Variants in SLC14A2 observed in about 807,000 individuals in gnomAD.
SLC14A2 encodes urea transporter 2.
A neutral mutation model predicts 104.6 loss-of-function variants in SLC14A2; 91 were observed. That is an observed-to-expected ratio of 0.87 (90% CI 0.73 to 1.04). The LOEUF is 1.04. Among genes scored for constraint, SLC14A2 ranks in the 50% least tolerant of loss-of-function variants. SLC14A2 has a pLI of 0.00. For synonymous variants in SLC14A2, 476 were observed against 466.4 expected, an observed-to-expected ratio of 1.02 and a Z score of -0.27; for missense variants, 1,189 against 1,156.0, an observed-to-expected ratio of 1.03 and a Z score of -0.41.
At chr18:45,382,269 T>G (rs562883413) in intron 1 of SLC14A2, among the ~76,000 whole-genome samples, 11 of 150,664 alleles carry the variant, frequency 7.3e-5, no homozygotes, top group African/African-American at 2.4e-4. Context: ...CAAATACTTG[T>G]GCTAGATGTT....
chr18:45,303,208 A>G (rs530871859), intron 1 of SLC14A2, among the ~76,000 whole-genome samples: 1 of 152,296 alleles, frequency 6.6e-6, no homozygotes, highest in South Asian at 2.1e-4. Context: ...ACAGAAATCG[A>G]CAGTGAGGTA....
intron 4 of SLC14A2, among the ~76,000 whole-genome samples, chr18:45,627,920 T>C (rs1476931898): frequency 4.7e-5 from 7 of 150,394 alleles, no homozygotes; most frequent in Non-Finnish European, 1.5e-5. Context: ...TGAGGATCTC[T>C]TAAACCTGGG....
At chr18:45,337,380 A>G (rs2085347760) in intron 1 of SLC14A2, among the ~76,000 whole-genome samples, 1 of 152,216 alleles carries the variant, frequency 6.6e-6, no homozygotes, top group African/African-American at 2.4e-5. Flanking sequence ...CCAGGTAATA[A>G]TTTACCAAGT....
chr18:45,553,603 T>C (rs868410), intron 2 of SLC14A2, among the ~76,000 whole-genome samples: 13,727 of 152,106 alleles, frequency 0.09, 757 homozygotes, highest in Non-Finnish European at 0.12. Flanking sequence ...GAGGGCCCTT[T>C]ACTAAGAAAA....
intron 2 of SLC14A2, among the ~76,000 whole-genome samples, chr18:45,519,388 C>G (rs1421055563): frequency 6.6e-6 from 1 of 152,166 alleles, no homozygotes; most frequent in African/African-American, 2.4e-5. Flanking sequence ...GCTCCAAGGC[C>G]AGGCATGACC....
chr18:45,431,157 T>G (rs2086508898), intron 1 of SLC14A2, among the ~76,000 whole-genome samples: 1 of 152,200 alleles, frequency 6.6e-6, no homozygotes. Flanking sequence ...AGGGAATAGT[T>G]CTCTATATGG....
chr18:45,172,684 G>A, the SLC14A2 span, among the ~76,000 whole-genome samples: 1 of 152,112 alleles, frequency 6.6e-6, no homozygotes, highest in African/African-American at 2.4e-5. Flanking sequence ...ACTCAGAGAA[G>A]TGAATTTTCT....
At chr18:45,651,994 T>A (rs2045746657) in intron 10 of SLC14A2, among the ~76,000 whole-genome samples, 1 of 152,248 alleles carries the variant, frequency 6.6e-6, no homozygotes, top group Non-Finnish European at 1.5e-5. Flanking sequence ...CTCTAAGATC[T>A]GCCTGTCAGG....
At chr18:45,486,888 G>A (rs1345536909) in intron 2 of SLC14A2, among the ~76,000 whole-genome samples, 1 of 152,232 alleles carries the variant, frequency 6.6e-6, no homozygotes, top group Admixed American at 6.5e-5. Flanking sequence ...GGAGCATGTA[G>A]TCTAAAATTG....
intron 1 of SLC14A2, among the ~76,000 whole-genome samples, chr18:45,327,416 T>C (rs1304479175): frequency 6.6e-6 from 1 of 152,122 alleles, no homozygotes; most frequent in Non-Finnish European, 1.5e-5. Context: ...TCAGTGGCAT[T>C]AAGTACATTC....
intron 10 of SLC14A2, among the ~76,000 whole-genome samples, chr18:45,662,436 C>A (rs2045950526): frequency 6.6e-6 from 1 of 152,216 alleles, no homozygotes; most frequent in South Asian, 2.1e-4. Context: ...TACCCCAGTG[C>A]TTTCCAGCTT....
intron 2 of SLC14A2, among the ~76,000 whole-genome samples, chr18:45,566,424 C>A (rs181964375): frequency 6.6e-6 from 1 of 152,306 alleles, no homozygotes; most frequent in East Asian, 1.9e-4. Flanking sequence ...TCCTAAAACA[C>A]AGGACCATTT....
chr18:45,179,480 A>C, the SLC14A2 span, among the ~76,000 whole-genome samples: 1 of 152,142 alleles, frequency 6.6e-6, no homozygotes, highest in Non-Finnish European at 1.5e-5. Flanking sequence ...GAAAACAAAA[A>C]CAAAACACAG....
chr18:45,219,082 C>G (rs998137323), intron 1 of SLC14A2, among the ~76,000 whole-genome samples: 5 of 152,290 alleles, frequency 3.3e-5, no homozygotes, highest in African/African-American at 9.6e-5. Context: ...TGAGTCCTCT[C>G]AAAGCGCTGA....
Position 45,490,428 on chromosome 18 carries a change from T to G in SLC14A2, c.-35+7106T>G, listed in dbSNP as rs111234520. 2.8e-3 allele frequency among the ~76,000 whole-genome samples: 421 copies of G among 152,340 alleles called. 3 individuals are homozygous for G. Among genetic ancestry groups the G allele is most frequent in the Middle Eastern group, 0.02 (6 of 294 alleles). ...GGAAAATTAACATTAGAGCTCAATT[T>G]CATATGCAAAATAACACAAAATATT... On this transcript the variant is annotated intron_variant, in intron 2 of 20. Transcript: ENST00000586448.
At chr18:45,548,646 G>A (rs2044009326) in intron 2 of SLC14A2, among the ~76,000 whole-genome samples, 1 of 152,216 alleles carries the variant, frequency 6.6e-6, no homozygotes. Context: ...TGAGGCTGCA[G>A]TGATCTATCA....
intron 2 of SLC14A2, among the ~76,000 whole-genome samples, chr18:45,543,624 C>G (rs140055605): frequency 6.6e-6 from 1 of 152,200 alleles, no homozygotes; most frequent in Non-Finnish European, 1.5e-5. Context: ...TTGGCTACAC[C>G]TGTAACCCTT....
intron 1 of SLC14A2, among the ~76,000 whole-genome samples, chr18:45,396,910 A>G (rs138108529): frequency 6.6e-6 from 1 of 152,142 alleles, no homozygotes; most frequent in Non-Finnish European, 1.5e-5. Flanking sequence ...TAAGTGATAA[A>G]TGTGGAATTT....
intron 16 of SLC14A2, 105 bp from the exon 17 acceptor site, chr18:45,672,795 T>C (rs2046162771): frequency 1.0e-6 from 1 of 984,298 alleles, no homozygotes; most frequent in South Asian, 1.8e-5. Context: ...TGGACATCCA[T>C]TGCAAAATGT....
Sources: gnomAD v4.1 joint callset for allele counts (sites outside exome capture counted in the v4.1 genomes callset) on GRCh38, gnomAD v4.1.1 for gene constraint, MANE v1.5 for transcripts, NCBI Gene and HGNC (gene_info 2026-07-23, HGNC 2026-07-21) for gene names.